TCP11L2: variants seen among roughly 807,000 people sequenced by gnomAD.
TCP11L2 encodes the protein T-complex protein 11-like protein 2.
TCP11L2 carries 39 observed loss-of-function variants against 50.7 expected under a neutral mutation model. The ratio of observed to expected loss-of-function variants is 0.77; its 90% CI spans 0.60 to 1.01. The LOEUF is 1.01. TCP11L2 is among the 50% of genes least tolerant of loss of function. TCP11L2 has a pLI of 0.00. For missense variants in TCP11L2, 612 were observed against 614.7 expected (o/e 1.00, Z 0.05); for synonymous variants, 192 against 219.3 (o/e 0.88, Z 1.10).
chr12:106,304,624 T>C (rs1421865194), intron 1 of TCP11L2, among the ~76,000 whole-genome samples: 1 of 152,236 alleles, frequency 6.6e-6, no homozygotes, highest in Non-Finnish European at 1.5e-5. Context: ...ATGTGAAGGC[T>C]TGTCCTTGCA....
intron 6 of TCP11L2, among the ~76,000 whole-genome samples, chr12:106,329,054 G>T (rs144506000): frequency 0.011 from 1,727 of 151,988 alleles, 33 homozygotes; most frequent in African/African-American, 0.037. Flanking sequence ...ACCAAAAGAA[G>T]GGAAAGTGAG....
intron 6 of TCP11L2, among the ~76,000 whole-genome samples, chr12:106,328,209 A>G (rs1014066040): frequency 1.3e-5 from 2 of 152,242 alleles, no homozygotes; most frequent in African/African-American, 2.4e-5. Context: ...GAGCAAACTG[A>G]TGCTCAGTGA....
At chr12:106,314,845 A>G (rs917040780) in intron 3 of TCP11L2, among the ~76,000 whole-genome samples, 2 of 151,818 alleles carry the variant, frequency 1.3e-5, no homozygotes, top group African/African-American at 4.8e-5. Flanking sequence ...GTAAAAAATA[A>G]AAATAAAAAT....
intron 6 of TCP11L2, among the ~76,000 whole-genome samples, chr12:106,331,827 T>G (rs2035756718): frequency 6.6e-6 from 1 of 152,206 alleles, no homozygotes; most frequent in African/African-American, 2.4e-5. Flanking sequence ...AGTCACATGT[T>G]GATTGCTTTG....
intron 3 of TCP11L2, 114 bp from the exon 4 acceptor site, chr12:106,318,230 C>T: frequency 8.0e-7 from 1 of 1,248,306 alleles, no homozygotes; most frequent in South Asian, 1.5e-5. Context: ...GGATTAAGGA[C>T]AATTATTCTG....
intron 2 of TCP11L2, among the ~76,000 whole-genome samples, chr12:106,312,890 A>T (rs1329126224): frequency 5.3e-5 from 8 of 152,162 alleles, no homozygotes; most frequent in Non-Finnish European, 8.8e-5. Flanking sequence ...TTGGGAAAAA[A>T]AAATAAATTA....
At chr12:106,310,923 TG>T in intron 1 of TCP11L2, 117 bp from the exon 2 acceptor site, 2 of 865,648 alleles carry the variant, frequency 2.3e-6, no homozygotes, top group Non-Finnish European at 3.5e-6. Context: ...TGAGGTCATC[TG>T]GGGGCCTTTC....
intron 6 of TCP11L2, among the ~76,000 whole-genome samples, chr12:106,333,367 T>C (rs887431044): frequency 6.6e-6 from 1 of 152,224 alleles, no homozygotes; most frequent in Non-Finnish European, 1.5e-5. Flanking sequence ...TAAGTCGGTG[T>C]GGATAAATGT....
chr12:106,307,985 G>C (rs959437753), intron 1 of TCP11L2, among the ~76,000 whole-genome samples: 1 of 152,192 alleles, frequency 6.6e-6, no homozygotes, highest in Non-Finnish European at 1.5e-5. Flanking sequence ...TTTTAATAGA[G>C]TAATAATGGG....
intron 3 of TCP11L2, 83 bp downstream of exon 3, chr12:106,314,576 T>TGTGTGTGTGTGA: frequency 3.6e-6 from 1 of 281,344 alleles, no homozygotes; most frequent in African/African-American, 4.0e-5. Context: ...TGTGTGTGTG[T>TGTGTGTGTGTGA]GAGAGAGAGA....
In TCP11L2 at chr12:106,335,846, A is replaced by G. The variant is rs376965201; in HGVS notation, c.960+20A>G. On this transcript the variant is annotated intron_variant, in intron 7 of 9. Transcript: ENST00000299045. The stretch of plus-strand genomic sequence containing the variant: ...CCAGAGGTGAGTGGTTTTGTTCTTC[A>G]CCCAAATTTCCCAGTATTTTTATTC... 7.0e-5 allele frequency: 112 copies of G among 1,604,564 alleles called. No individual in the cohort carries two copies. The highest frequency in any genetic ancestry group is 8.9e-5 in the Non-Finnish European group (105 of 1,175,836).
In TCP11L2 at chr12:106,340,891, C is replaced by T; in HGVS notation, c.1208C>T (p.Thr403Ile). 1 of 1,613,558 alleles carries T rather than the reference C, an allele frequency of 6.2e-7. No individual in the cohort carries two copies. The highest frequency in any genetic ancestry group is 8.5e-7 in the Non-Finnish European group (1 of 1,179,712). ...GIQTCVEVNK[T>I]LMERGLPTLN... ...CAGACTTGTGTTGAGGTTAACAAGACCCTGATGGAAAGAGGTTTACCCACT... is the reference window on the plus strand; with the variant it reads ...CAGACTTGTGTTGAGGTTAACAAGATCCTGATGGAAAGAGGTTTACCCACT... The change falls in exon 9 of 10, where the codon ACC becomes ATC. Residue 403 changes from threonine (T) to isoleucine (I), a missense_variant. Physicochemically the swap from Thr to Ile is moderately conservative, Grantham distance 89. Transcript: ENST00000299045.
chr12:106,338,177 C>T (rs1015479028), intron 8 of TCP11L2, among the ~76,000 whole-genome samples: 6 of 151,884 alleles, frequency 4.0e-5, no homozygotes, highest in Non-Finnish European at 8.8e-5. Flanking sequence ...TTCCCTTTTT[C>T]AACTTTTATT....
At chr12:106,300,274 A>AT (rs1480398646), upstream of TCP11L2, among the ~76,000 whole-genome samples, 3 of 151,948 alleles carry the variant, frequency 2.0e-5, no homozygotes, top group African/African-American at 7.3e-5. Flanking sequence ...TACAAGGCTC[A>AT]TTTTTGAGGG....
intron 3 of TCP11L2, 42 bp from the exon 4 acceptor site, chr12:106,318,302 A>T (rs549426412): frequency 2.5e-6 from 4 of 1,596,680 alleles, no homozygotes; most frequent in African/African-American, 1.3e-5. Context: ...ATCAGGAAAA[A>T]GTTATGCTTA....
intron 3 of TCP11L2, among the ~76,000 whole-genome samples, chr12:106,318,106 T>G (rs1302098964): frequency 1.3e-5 from 2 of 152,228 alleles, no homozygotes; most frequent in East Asian, 3.8e-4. Context: ...GAAAGCATTT[T>G]CAAGGTCTAG....
intron 1 of TCP11L2, among the ~76,000 whole-genome samples, chr12:106,309,629 C>T (rs555590621): frequency 1.3e-5 from 2 of 151,850 alleles, no homozygotes; most frequent in East Asian, 3.9e-4. Context: ...TGCCCCTTCT[C>T]CCGCTCTGCT....
At chr12:106,332,282 C>G (rs2035773772) in intron 6 of TCP11L2, among the ~76,000 whole-genome samples, 1 of 152,220 alleles carries the variant, frequency 6.6e-6, no homozygotes, top group Non-Finnish European at 1.5e-5. Context: ...CAGTTACAAC[C>G]TAGCAATTGC....
chr12:106,342,187 A>G (rs1272579486), intron 9 of TCP11L2, among the ~76,000 whole-genome samples: 1 of 152,234 alleles, frequency 6.6e-6, no homozygotes, highest in Non-Finnish European at 1.5e-5. Context: ...GACGGCCTTA[A>G]GAATACAAAT....
Sources: allele counts gnomAD v4.1 joint callset (sites outside exome capture counted in the v4.1 genomes callset), GRCh38; gene constraint gnomAD v4.1.1; transcripts MANE v1.5; gene names NCBI Gene and HGNC (gene_info 2026-07-23, HGNC 2026-07-21).